ACYP2: variants seen among roughly 807,000 people sequenced by gnomAD.
ACYP2 encodes the protein acylphosphatase 2, also known as acylphosphatase-2.
A neutral mutation model predicts 11.2 loss-of-function variants in ACYP2; 12 were observed. The observed-to-expected ratio is 1.08, with a 90% confidence interval of 0.69 to 1.74. The LOEUF is 1.74. ACYP2 is among the 40% of genes most tolerant of loss of function. The pLI is 0.00. For missense variants in ACYP2, 134 were observed against 101.9 expected (o/e 1.31, Z -1.35); for synonymous variants, 43 against 32.2 (o/e 1.33, Z -1.13).
chr2:54,072,498 T>C (rs1190671209), intron 4 of ACYP2, among the ~76,000 whole-genome samples: 1 of 110,568 alleles, frequency 9.0e-6, no homozygotes, highest in African/African-American at 3.7e-5. Flanking sequence ...TTTCTTTCTT[T>C]CTCTCTCTCT....
At chr2:54,234,795 T>G (rs1686398871) in intron 6 of ACYP2, among the ~76,000 whole-genome samples, 1 of 152,232 alleles carries the variant, frequency 6.6e-6, no homozygotes, top group Non-Finnish European at 1.5e-5. Context: ...ACTGATTTCT[T>G]TGGGGGATTG....
chr2:54,107,015 C>T (rs1424040226), intron 4 of ACYP2, among the ~76,000 whole-genome samples: 1 of 152,112 alleles, frequency 6.6e-6, no homozygotes, highest in Non-Finnish European at 1.5e-5. Context: ...GTTTAGCATG[C>T]ACCTAAAAGT....
intron 6 of ACYP2, among the ~76,000 whole-genome samples, chr2:54,294,520 C>T (rs1689440756): frequency 6.6e-6 from 1 of 152,004 alleles, no homozygotes; most frequent in Non-Finnish European, 1.5e-5. Context: ...ACACATATGC[C>T]CCCAACCATT....
chr2:53,983,150 T>C (rs1671852631), intron 2 of ACYP2, among the ~76,000 whole-genome samples: 1 of 151,972 alleles, frequency 6.6e-6, no homozygotes, highest in South Asian at 2.1e-4. Context: ...ACCAAATTCT[T>C]TGAGGAAGCA....
Position 54,078,483 on chromosome 2 carries a change from G to A in ACYP2, c.277+21123G>A, listed in dbSNP as rs1213551501. On this transcript the variant is annotated intron_variant, in intron 4 of 6. Coordinates refer to ENST00000607452, the MANE Select transcript of ACYP2 (RefSeq NM_001320586.2). ...TTATTATTATCTGTACAACTCATTG[G>A]AAGCTATCCTTGTACCATCTTGCAT... 2.7e-5 allele frequency among the ~76,000 whole-genome samples: 4 copies of A among 150,120 alleles called. No homozygotes were observed. The East Asian group carries it at 7.9e-4, about 30-fold the overall frequency.
chr2:54,302,223 C>A (rs890122759), intron 6 of ACYP2, among the ~76,000 whole-genome samples: 2 of 152,210 alleles, frequency 1.3e-5, no homozygotes, highest in African/African-American at 4.8e-5. Context: ...TCTCTTGAGC[C>A]CATTCAAATA....
chr2:54,249,384 A>C (rs1333875241), intron 6 of ACYP2, among the ~76,000 whole-genome samples: 5 of 151,624 alleles, frequency 3.3e-5, no homozygotes, highest in African/African-American at 1.2e-4. Flanking sequence ...GCAGTGAGCC[A>C]AGATCGCGCC....
At chr2:54,020,794 A>T (rs1331950884) in intron 2 of ACYP2, among the ~76,000 whole-genome samples, 2 of 152,236 alleles carry the variant, frequency 1.3e-5, no homozygotes, top group Non-Finnish European at 2.9e-5. Context: ...TAATTTTAGA[A>T]ACATGGGAAG....
chr2:54,072,480 C>A (rs1315892338), intron 4 of ACYP2, among the ~76,000 whole-genome samples: 1 of 105,938 alleles, frequency 9.4e-6, no homozygotes, highest in Non-Finnish European at 2.1e-5. Flanking sequence ...TTCTTTCTTT[C>A]TTTCTTTTTT....
chr2:54,261,526 C>T (rs569830988), intron 6 of ACYP2, among the ~76,000 whole-genome samples: 40 of 152,064 alleles, frequency 2.6e-4, no homozygotes, highest in Non-Finnish European at 5.0e-4. Context: ...CTCTGGGAAA[C>T]AGAAAAACAT....
chr2:54,149,019 G>C (rs1682026046), intron 6 of ACYP2, among the ~76,000 whole-genome samples: 1 of 152,174 alleles, frequency 6.6e-6, no homozygotes, highest in Admixed American at 6.5e-5. Context: ...TGAGGGGTGA[G>C]GTGGGTGGAT....
rs188943238 is a variant in ACYP2 at position 54,015,852 on chromosome 2, T to C, written c.63-35106T>C. ...AGTTGTCATTATATTTTTGGAGAGA[T>C]GGGGTTTTGTTATGTTGACCAGGCT... On this transcript the variant is annotated intron_variant, in intron 2 of 6. Coordinates refer to ENST00000607452, the MANE Select transcript of ACYP2 (RefSeq NM_001320586.2). Among the ~76,000 whole-genome samples, 4 of 152,110 alleles carry C rather than the reference T, an allele frequency of 2.6e-5. No homozygotes were observed. In the East Asian group the frequency reaches 7.8e-4, roughly 30 times the overall value.
intron 4 of ACYP2, among the ~76,000 whole-genome samples, chr2:54,103,132 A>G (rs1678987430): frequency 6.6e-6 from 1 of 151,872 alleles, no homozygotes; most frequent in Admixed American, 6.6e-5. Context: ...AAAAGAGTGG[A>G]TACTGTGCCA....
chr2:54,036,924 G>T (rs959153151), intron 2 of ACYP2, among the ~76,000 whole-genome samples: 2 of 152,066 alleles, frequency 1.3e-5, no homozygotes, highest in East Asian at 3.8e-4. Flanking sequence ...TGCCTTGACT[G>T]CTTCATGGTC....
chr2:54,256,638 C>T (rs954970282), intron 6 of ACYP2, among the ~76,000 whole-genome samples: 2 of 152,124 alleles, frequency 1.3e-5, no homozygotes, highest in African/African-American at 2.4e-5. Flanking sequence ...TTTCCTCCCA[C>T]TCTGTGGGGT....
intron 6 of ACYP2, among the ~76,000 whole-genome samples, chr2:54,282,925 T>C (rs1013214183): frequency 1.3e-5 from 2 of 152,204 alleles, no homozygotes; most frequent in Admixed American, 6.5e-5. Flanking sequence ...AGGAGAGCTT[T>C]CACTTCCTGC....
intron 6 of ACYP2, among the ~76,000 whole-genome samples, chr2:54,190,963 T>C (rs1310507859): frequency 3.9e-5 from 6 of 152,208 alleles, no homozygotes; most frequent in Admixed American, 6.5e-5. Flanking sequence ...TCCATGAATT[T>C]TGTTTCTTTC....
intron 6 of ACYP2, among the ~76,000 whole-genome samples, chr2:54,186,823 AT>A (rs986636675): frequency 6.6e-6 from 1 of 152,224 alleles, no homozygotes; most frequent in South Asian, 2.1e-4. Context: ...CAATAGTGTT[AT>A]TTTTAAACTG....
At chr2:54,101,106 C>G (rs1678867756) in intron 4 of ACYP2, among the ~76,000 whole-genome samples, 1 of 152,096 alleles carries the variant, frequency 6.6e-6, no homozygotes, top group Non-Finnish European at 1.5e-5. Flanking sequence ...CCCCACGGAG[C>G]CTCAAAGAAT....
Sources: allele counts gnomAD v4.1 joint callset (sites outside exome capture counted in the v4.1 genomes callset), GRCh38; gene constraint gnomAD v4.1.1; transcripts MANE v1.5; gene names NCBI Gene and HGNC (gene_info 2026-07-23, HGNC 2026-07-21).